Variants in RRP1 observed in about 807,000 individuals in gnomAD.
The protein encoded by RRP1 is ribosomal RNA processing 1.
RRP1 carries 37 observed loss-of-function variants against 54.6 expected under a neutral mutation model. That is an observed-to-expected ratio of 0.68 (90% CI 0.52 to 0.89). The LOEUF (loss-of-function observed/expected upper bound fraction) is 0.89, where lower values mean the gene tolerates loss of function less well. Among genes scored for constraint, RRP1 ranks in the 40% least tolerant of loss-of-function variants. The pLI is 0.00. For synonymous variants in RRP1, 262 were observed against 244.3 expected (o/e 1.07, Z -0.67); for missense variants, 639 against 612.5 (o/e 1.04, Z -0.46).
At chr21:43,791,769 G>T (rs2084961697) in intron 2 of RRP1, among the ~76,000 whole-genome samples, 1 of 152,176 alleles carries the variant, frequency 6.6e-6, no homozygotes. Flanking sequence ...CTCCCAAAGT[G>T]CTGGGATTAC....
In RRP1 at chr21:43,792,654, T is replaced by A. The variant is rs1569013062; in HGVS notation, c.217-18T>A. ...GGTGCTTCAGGGGCTGAGGGCGTTT[T>A]TGTTGTTTCCTACACAGGAAGAATT... On this transcript the variant is annotated intron_variant, in intron 2 of 12. Transcript: ENST00000497547. The A allele has an allele frequency of 1.2e-6, 2 of 1,614,092 alleles. No individual in the cohort carries two copies. The highest frequency in any genetic ancestry group is 1.7e-6 in the Non-Finnish European group (2 of 1,179,990).
At chr21:43,793,540 C>T (rs951252900) in intron 4 of RRP1, 136 bp downstream of exon 4, 19 of 686,036 alleles carry the variant, frequency 2.8e-5, no homozygotes, top group South Asian at 1.4e-4. Context: ...GAGGTGGAGC[C>T]GAGACTCTGG....
chr21:43,801,934 A>T (rs376950075), intron 11 of RRP1, among the ~76,000 whole-genome samples: 2 of 152,296 alleles, frequency 1.3e-5, no homozygotes, highest in African/African-American at 4.8e-5. Flanking sequence ...TGGGGTTTTC[A>T]GGTGAGGGCT....
In RRP1 at chr21:43,803,826, G is replaced by A. The variant is rs376859173; in HGVS notation, c.*52G>A. The A allele has an allele frequency of 1.1e-4, 170 of 1,496,604 alleles. No individual in the cohort carries two copies. The highest frequency in any genetic ancestry group is 1.2e-4 in the African/African-American group (9 of 72,374). The allele number at this position is 1,496,604 out of a possible 1,614,324, so 92.7% of individuals were successfully genotyped here. On this transcript the variant is annotated 3_prime_UTR_variant, in exon 13 of 13. Coordinates refer to ENST00000497547, the MANE Select transcript of RRP1 (RefSeq NM_003683.6). ...AGGGAGGCCAGGCCTCGCTTGCACC[G>A]CGGGACGAGGCTGACCGGGCTGTTC...
chr21:43,790,144 GT>G (rs1187101191), intron 1 of RRP1, among the ~76,000 whole-genome samples: 4 of 152,208 alleles, frequency 2.6e-5, no homozygotes, highest in Non-Finnish European at 5.9e-5. Flanking sequence ...TTATTGGATT[GT>G]TTTCCGATTT....
chr21:43,803,332 G>T (rs534642421), intron 12 of RRP1, among the ~76,000 whole-genome samples, 180 bp from the exon 13 acceptor site: 135 of 152,332 alleles, frequency 8.9e-4, no homozygotes, highest in African/African-American at 3.1e-3. Flanking sequence ...CCTTGCTGAG[G>T]TCCTGAGCCG....
chr21:43,803,554 A>G lies in RRP1; in HGVS notation c.1166A>G (p.Lys389Arg), dbSNP rs750707803. Residue 389 changes from lysine to arginine, a missense_variant, in exon 13 of 13, where the codon AAG becomes AGG. Lys to Arg is a conservative substitution (Grantham distance 26, BLOSUM62 2). Transcript: ENST00000497547. ...CCCCCGAGCCCGGGCATGGAGAGGA[A>G]GAGGAGCAGGAGGAGGGGTGTAGGG... ...KEPPSPGMERKRSRRRGVGAD... is the reference protein window; with the variant it reads ...KEPPSPGMERRRSRRRGVGAD... The G allele has an allele frequency of 6.4e-6, 10 of 1,557,120 alleles. No homozygotes were observed. The highest frequency in any genetic ancestry group is 8.7e-6 in the Non-Finnish European group (10 of 1,150,530).
At chr21:43,797,594 G>A in intron 6 of RRP1, 37 bp from the exon 7 acceptor site, 1 of 1,614,048 alleles carries the variant, frequency 6.2e-7, no homozygotes, top group Non-Finnish European at 8.5e-7. Context: ...GGGCGTTTGT[G>A]GAGGAGGAAC....
chr21:43,798,479 C>A (rs1356568793), intron 8 of RRP1, among the ~76,000 whole-genome samples: 4 of 152,194 alleles, frequency 2.6e-5, no homozygotes. Context: ...TCTCCCAGCC[C>A]CCAACGCAGT....
chr21:43,794,323 C>T (rs1433457570), intron 4 of RRP1, among the ~76,000 whole-genome samples: 1 of 152,192 alleles, frequency 6.6e-6, no homozygotes, highest in Admixed American at 6.5e-5. Flanking sequence ...GGCCACCCTA[C>T]TGTTTTGCTG....
rs771099338 is a variant in RRP1 at position 43,803,626 on chromosome 21, C to G, written c.1238C>G (p.Ala413Gly). The G allele has an allele frequency of 6.4e-7, 1 of 1,551,022 alleles. No individual in the cohort carries two copies. Among genetic ancestry groups the G allele is most frequent in the Non-Finnish European group, 8.7e-7 (1 of 1,147,806 alleles). ...RAEAGEQPGTAERALLRDQPR... is the reference protein window; with the variant it reads ...RAEAGEQPGTGERALLRDQPR... ...GAGGCTGGTGAGCAGCCAGGCACAG[C>G]TGAGCGGGCCCTGCTCCGAGATCAG... Residue 413 changes from alanine (A) to glycine (G), a missense_variant, in exon 13 of 13, where the codon GCT becomes GGT. Physicochemically the swap from Ala to Gly is moderately conservative, Grantham distance 60. Transcript: ENST00000497547.
At chr21:43,793,925 C>T (rs546921358) in intron 4 of RRP1, among the ~76,000 whole-genome samples, 9 of 152,224 alleles carry the variant, frequency 5.9e-5, no homozygotes, top group East Asian at 5.8e-4. Context: ...TGTTGCTGCC[C>T]GGACCTGCTT....
chr21:43,796,464 A>T (rs1370768336), intron 5 of RRP1, among the ~76,000 whole-genome samples: 1 of 149,424 alleles, frequency 6.7e-6, no homozygotes, highest in African/African-American at 2.5e-5. Flanking sequence ...CATGTGGAAG[A>T]CCTCGGTGCC....
At chr21:43,799,798 T>A in intron 9 of RRP1, 149 bp downstream of exon 9, 1 of 527,478 alleles carries the variant, frequency 1.9e-6, no homozygotes, top group Non-Finnish European at 3.3e-6. Flanking sequence ...GAAGGAGGGA[T>A]GGGTGCCCCA....
At position 43,791,410 on chromosome 21, in the gene RRP1, T is replaced by A. The variant is rs779527474; in HGVS notation, c.194T>A (p.Met65Lys). The A allele has an allele frequency of 6.2e-7, 1 of 1,613,860 alleles. No homozygotes were observed. The highest frequency in any genetic ancestry group is 8.5e-7 in the Non-Finnish European group (1 of 1,179,954). Reference protein sequence around the residue: ...VWKGLFYCMWMQDKPLLQEEL... With the variant: ...VWKGLFYCMWKQDKPLLQEEL... ...AAAGGACTGTTTTATTGCATGTGGA[T>A]GCAGGACAAGCCACTCCTCCAGGTG... is the stretch of plus-strand genomic sequence containing the variant. Residue 65 changes from methionine to lysine, a missense_variant, in exon 2 of 13, where the codon ATG becomes AAG. Coordinates refer to ENST00000497547, the MANE Select transcript of RRP1 (RefSeq NM_003683.6).
Position 43,797,635 on chromosome 21 carries a change from C to G in RRP1, c.557C>G (p.Thr186Arg). The change falls in exon 7 of 13, where the codon ACG (threonine) becomes AGG (arginine). Residue 186 changes from threonine to arginine, a missense_variant. Thr to Arg is a moderately conservative substitution (Grantham distance 71). Transcript: ENST00000497547. Reference sequence around the variant, plus strand: ...TCCCGCTGGCTTTCCCCGTAGCTTACGGCAGACCAGAACCTGAAGTTCATC... The same window carrying G: ...TCCCGCTGGCTTTCCCCGTAGCTTAGGGCAGACCAGAACCTGAAGTTCATC... ...ELTKVGAEEL[T>R]ADQNLKFIDP... 2 of 1,614,170 alleles carry G rather than the reference C, an allele frequency of 1.2e-6. No individual in the cohort carries two copies. The highest frequency in any genetic ancestry group is 1.7e-6 in the Non-Finnish European group (2 of 1,180,042).
chr21:43,803,404 T>TGTTGTCCTCCCAG (rs1178444751), intron 12 of RRP1, 108 bp from the exon 13 acceptor site: 2 of 1,404,008 alleles, frequency 1.4e-6, no homozygotes, highest in East Asian at 5.1e-5. Context: ...GTTGTGGCCG[T>TGTTGTCCTCCCAG]GTTGTCCTCC....
rs372158111 is a variant in RRP1 at position 43,792,686 on chromosome 21, G to A, written c.231G>A (p.Arg77=). 603 of 1,614,072 alleles carry A rather than the reference G, an allele frequency of 3.7e-4. 9 individuals are homozygous for A. In the South Asian group the frequency reaches 5.8e-3, roughly 16 times the overall value. The change falls in exon 3 of 13, where the codon AGG becomes AGA. Residue 77 remains arginine (R), a synonymous_variant. Transcript: ENST00000497547. ...TTCCTACACAGGAAGAATTAGGAAG[G>A]ACTATTTCCCAGCTCGTTCATGCTT... ...DKPLLQEELG[R]TISQLVHAFQ...
chr21:43,797,882 C>A, intron 7 of RRP1, 25 bp from the exon 8 acceptor site: 1 of 1,603,376 alleles, frequency 6.2e-7, no homozygotes, highest in South Asian at 1.1e-5. Flanking sequence ...CGGGCCTGCT[C>A]ACCGGCCTCT....
Sources: allele counts gnomAD v4.1 joint callset (sites outside exome capture counted in the v4.1 genomes callset), GRCh38; gene constraint gnomAD v4.1.1; transcripts MANE v1.5; gene names NCBI Gene and HGNC (gene_info 2026-07-23, HGNC 2026-07-21).